Variants in ADAM29 observed in about 807,000 individuals in gnomAD.
ADAM29 encodes disintegrin and metalloproteinase domain-containing protein 29.
For missense variants in ADAM29, 969 were observed against 1,001.8 expected, an observed-to-expected ratio of 0.97 and a Z score of 0.44; for synonymous variants, 367 against 342.3, an observed-to-expected ratio of 1.07 and a Z score of -0.80.
chr4:174,963,221 G>A (rs569503945), intron 4 of ADAM29, among the ~76,000 whole-genome samples: 3 of 152,308 alleles, frequency 2.0e-5, no homozygotes, highest in South Asian at 4.1e-4. Flanking sequence ...CTAACAGGGT[G>A]AGGGGGACAA....
chr4:174,918,616 A>G (rs571872274), intron 1 of ADAM29, 145 bp downstream of exon 1: 1 of 152,242 alleles, frequency 6.6e-6, no homozygotes, highest in African/African-American at 2.4e-5. Context: ...AACCCTCCAA[A>G]TATCTGCCCA....
At chr4:174,969,992 G>A (rs1298541003) in intron 4 of ADAM29, among the ~76,000 whole-genome samples, 1 of 151,910 alleles carries the variant, frequency 6.6e-6, no homozygotes, top group Non-Finnish European at 1.5e-5. Context: ...TTCTGTATTA[G>A]AAGGCACCTG....
chr4:174,959,668 T>A (rs1011828431), intron 4 of ADAM29, among the ~76,000 whole-genome samples: 1 of 151,904 alleles, frequency 6.6e-6, no homozygotes, highest in African/African-American at 2.4e-5. Flanking sequence ...TCCTGAATAT[T>A]TTGTTTTTAA....
chr4:174,975,894 T>C lies in ADAM29; in HGVS notation c.369T>C (p.Phe123=). The C allele has an allele frequency of 6.2e-7, 1 of 1,613,438 alleles. No individual in the cohort carries two copies. Among genetic ancestry groups the C allele is most frequent in the Non-Finnish European group, 8.5e-7 (1 of 1,179,810 alleles). Residue 123 remains phenylalanine (F), a synonymous_variant, in exon 5 of 5, where the codon TTT becomes TTC. Transcript: ENST00000359240. ...LVSLSTCFGG[F]QGILQINDFA... ...CCCTCAGTACCTGTTTTGGGGGTTTTCAAGGAATATTACAGATAAATGACT... is the reference window on the plus strand; with the variant it reads ...CCCTCAGTACCTGTTTTGGGGGTTTCCAAGGAATATTACAGATAAATGACT...
chr4:174,943,732 G>A (rs1357499118), intron 4 of ADAM29, among the ~76,000 whole-genome samples: 1 of 151,766 alleles, frequency 6.6e-6, no homozygotes, highest in Non-Finnish European at 1.5e-5. Flanking sequence ...TCCTGAATTG[G>A]TTTGTTATTC....
intron 4 of ADAM29, among the ~76,000 whole-genome samples, chr4:174,966,861 T>C (rs1263403876): frequency 1.3e-5 from 2 of 152,204 alleles, no homozygotes; most frequent in Non-Finnish European, 2.9e-5. Flanking sequence ...GGCAAAATAA[T>C]TCAGTCCTAA....
At chr4:174,937,458 T>A (rs1227920227) in intron 4 of ADAM29, among the ~76,000 whole-genome samples, 1 of 152,212 alleles carries the variant, frequency 6.6e-6, no homozygotes, top group Non-Finnish European at 1.5e-5. Context: ...TTCAAAAACA[T>A]CTGACTTTTA....
chr4:174,974,832 T>C (rs7682293), intron 4 of ADAM29, among the ~76,000 whole-genome samples: 2,760 of 152,264 alleles, frequency 0.018, 88 homozygotes, highest in African/African-American at 0.063. Flanking sequence ...TATTGTGCCA[T>C]AGAAAGGTAT....
At position 174,976,765 on chromosome 4, in the gene ADAM29, G is replaced by A. The variant is rs1486309841; in HGVS notation, c.1240G>A (p.Gly414Arg). The change falls in exon 5 of 5, where the codon GGA (glycine) becomes AGA (arginine). Residue 414 changes from glycine (G) to arginine (R), a missense_variant. Physicochemically the swap from Gly to Arg is moderately radical, Grantham distance 125. Transcript: ENST00000359240. ...TGAAGAAGGAGAAGAGTGTGACTGT[G>A]GACCTTTAAAGCATTGTGCAAAAGA... ...VVEEGEECDCGPLKHCAKDPC... is the reference protein window; with the variant it reads ...VVEEGEECDCRPLKHCAKDPC... 6.2e-7 allele frequency: 1 copy of A among 1,613,930 alleles called. No homozygotes were observed. The highest frequency in any genetic ancestry group is 1.7e-5 in the Admixed American group (1 of 60,006).
At chr4:174,968,452 A>G (rs1383405596) in intron 4 of ADAM29, among the ~76,000 whole-genome samples, 1 of 152,178 alleles carries the variant, frequency 6.6e-6, no homozygotes, top group Non-Finnish European at 1.5e-5. Context: ...ATGCATTGCA[A>G]AGGACTGGAT....
intron 4 of ADAM29, among the ~76,000 whole-genome samples, chr4:174,959,048 C>T (rs1560883032): frequency 6.6e-6 from 1 of 151,772 alleles, no homozygotes; most frequent in Non-Finnish European, 1.5e-5. Flanking sequence ...TAAAATATTT[C>T]ACTTTATTCC....
intron 4 of ADAM29, among the ~76,000 whole-genome samples, chr4:174,965,708 C>T (rs1159910499): frequency 1.3e-5 from 2 of 152,076 alleles, no homozygotes; most frequent in South Asian, 4.1e-4. Context: ...CCACTGCCTT[C>T]TTTCTGTGTC....
In ADAM29 at chr4:174,977,209, A is replaced by G; in HGVS notation, c.1684A>G (p.Ile562Val). The change falls in exon 5 of 5, where the codon ATT becomes GTT. Residue 562 changes from isoleucine (I) to valine (V), a missense_variant. Physicochemically the swap from Ile to Val is conservative, Grantham distance 29. Transcript: ENST00000359240. ...GRIQCENVTE[I>V]PNMSDHTTVH... ...AATTCAGTGTGAGAATGTGACAGAA[A>G]TTCCCAATATGAGTGATCATACTAC... 4 of 1,614,092 alleles carry G rather than the reference A, an allele frequency of 2.5e-6. No homozygotes were observed. Among genetic ancestry groups the G allele is most frequent in the Non-Finnish European group, 3.4e-6 (4 of 1,180,030 alleles).
chr4:174,966,995 C>T lies in ADAM29; in HGVS notation c.-180-8351C>T, dbSNP rs112947829. Among the ~76,000 whole-genome samples, 585 of 152,256 alleles carry T rather than the reference C, an allele frequency of 3.8e-3. 5 individuals carry two copies. The highest frequency in any genetic ancestry group is 0.017 in the Middle Eastern group (5 of 294). On this transcript the variant is annotated intron_variant, in intron 4 of 4. Coordinates refer to ENST00000359240, the MANE Select transcript of ADAM29 (RefSeq NM_014269.4). ...TTCCTGCATATATCGCCCATCTAAG[C>T]ACTTTGTGTACATACTTGTATAGAA...
intron 4 of ADAM29, among the ~76,000 whole-genome samples, chr4:174,952,645 G>A (rs966284533): frequency 2.0e-5 from 3 of 152,142 alleles, no homozygotes; most frequent in Admixed American, 2.0e-4. Flanking sequence ...AAAAGTGGGA[G>A]ATGAGATGAA....
intron 4 of ADAM29, among the ~76,000 whole-genome samples, chr4:174,944,312 A>C (rs1167056317): frequency 6.6e-6 from 1 of 152,136 alleles, no homozygotes; most frequent in Non-Finnish European, 1.5e-5. Context: ...AAATCCGAGT[A>C]GGAAGAAAGG....
At chr4:174,926,620 A>T (rs1743533124) in intron 2 of ADAM29, among the ~76,000 whole-genome samples, 1 of 150,748 alleles carries the variant, frequency 6.6e-6, no homozygotes, top group African/African-American at 2.4e-5. Flanking sequence ...AAAAACCATT[A>T]GGGAGTGTCG....
chr4:174,925,812 A>G (rs962484583), intron 2 of ADAM29, among the ~76,000 whole-genome samples: 2 of 152,224 alleles, frequency 1.3e-5, no homozygotes, highest in Non-Finnish European at 2.9e-5. Context: ...TGATGATAAT[A>G]ATTGCTTGAG....
intron 2 of ADAM29, among the ~76,000 whole-genome samples, chr4:174,923,525 GTATATATATATATATA>G (rs58980378): frequency 1.4e-4 from 14 of 96,688 alleles, no homozygotes; most frequent in South Asian, 6.4e-4. Context: ...TGCATTATAT[GTATATATATATATATA>G]TATATATATA....
Sources: gnomAD v4.1 joint callset for allele counts (sites outside exome capture counted in the v4.1 genomes callset) on GRCh38, gnomAD v4.1.1 for gene constraint, MANE v1.5 for transcripts, NCBI Gene and HGNC (gene_info 2026-07-23, HGNC 2026-07-21) for gene names.